The following MIGA2 variants were observed in gnomAD, a reference collection of about 807,000 sequenced individuals.
MIGA2 encodes family with sequence similarity 73, member B.
Under a neutral mutation model 69.9 loss-of-function variants are expected in MIGA2, and 36 were observed. The ratio of observed to expected loss-of-function variants is 0.52; its 90% CI spans 0.39 to 0.68. The LOEUF is 0.68. MIGA2 is among the 30% of genes least tolerant of loss of function. The pLI, the probability that MIGA2 is intolerant of heterozygous loss-of-function variation, is 0.00. For missense variants in MIGA2, 660 were observed against 787.7 expected, an observed-to-expected ratio of 0.84 and a Z score of 1.94; for synonymous variants, 333 against 349.2, an observed-to-expected ratio of 0.95 and a Z score of 0.52.
chr9:129,040,298 G>C (rs1844828677), intron 1 of MIGA2, among the ~76,000 whole-genome samples, 154 bp from the exon 2 acceptor site: 1 of 152,210 alleles, frequency 6.6e-6, no homozygotes, highest in South Asian at 2.1e-4. Flanking sequence ...CCTGCTGGCG[G>C]GCAGATGCAG....
intron 3 of MIGA2, among the ~76,000 whole-genome samples, chr9:129,043,273 CAT>C (rs550191501): frequency 1.4e-3 from 213 of 152,112 alleles, no homozygotes; most frequent in African/African-American, 4.7e-3. Flanking sequence ...GTCTTTGACA[CAT>C]AGAGTCATCC....
chr9:129,064,869 A>C (rs1588412283), intron 11 of MIGA2, among the ~76,000 whole-genome samples: 1 of 138,880 alleles, frequency 7.2e-6, no homozygotes. Flanking sequence ...CGCAACCTCC[A>C]CCTCCCGGGT....
intron 6 of MIGA2, among the ~76,000 whole-genome samples, chr9:129,052,374 C>T (rs1405652736): frequency 6.6e-6 from 1 of 152,062 alleles, no homozygotes; most frequent in African/African-American, 2.4e-5. Flanking sequence ...CCACCCGCCT[C>T]GGCCTCCCAA....
rs1311967427 is a variant in MIGA2 at position 129,061,329 on chromosome 9, G to A, written c.993G>A (p.Val331=). Residue 331 remains valine (V), a synonymous_variant, in exon 9 of 16, where the codon GTG becomes GTA. Transcript: ENST00000684074. This position sits in a 1 kb window ranked among gnomAD's most constrained non-coding sequence, Gnocchi z 5.0. ...TGCAGCTGGTGAAGGAGGGGAGAGTGCCTTGCCGGACCCTCAGGTGAGCAG... is the reference window on the plus strand; with the variant it reads ...TGCAGCTGGTGAAGGAGGGGAGAGTACCTTGCCGGACCCTCAGGTGAGCAG... The part of the protein sequence containing the change: ...EALQLVKEGR[V]PCRTLRTELL... The A allele has an allele frequency of 6.2e-7, 1 of 1,607,180 alleles. No homozygotes were observed. Among genetic ancestry groups the A allele is most frequent in the South Asian group, 1.1e-5 (1 of 90,614 alleles).
chr9:129,049,590 C>T (rs1380971759), intron 5 of MIGA2, 92 bp downstream of exon 5: 3 of 1,322,228 alleles, frequency 2.3e-6, no homozygotes, highest in African/African-American at 2.9e-5. Context: ...GTCACTTTGC[C>T]CCTCACTACC....
At chr9:129,040,409 C>G (rs117837310) in intron 1 of MIGA2, 43 bp from the exon 2 acceptor site, 15 of 1,323,080 alleles carry the variant, frequency 1.1e-5, no homozygotes, top group Non-Finnish European at 1.5e-5. Flanking sequence ...TGCATGTTCC[C>G]GTGTGCACGT....
In MIGA2 at chr9:129,052,984, C is replaced by A. The variant is rs147909209; in HGVS notation, c.675+3021C>A. ...TTTATTTCCCAAATTGTATTTCTTG[C>A]TAAAAACTATATCTGAAAATGATAG... On this transcript the variant is annotated intron_variant, in intron 6 of 15. Transcript: ENST00000684074. Among the ~76,000 whole-genome samples the A allele has an allele frequency of 1.4e-3, 219 of 152,280 alleles. 1 individual carries two copies. Among genetic ancestry groups the A allele is most frequent in the African/African-American group, 5.0e-3 (208 of 41,532 alleles).
intron 2 of MIGA2, 183 bp from the exon 3 acceptor site, chr9:129,042,121 C>T: frequency 1.6e-6 from 1 of 620,404 alleles, no homozygotes; most frequent in South Asian, 2.0e-5. Context: ...TTTTTGTGGC[C>T]TGTGTTTCAG....
chr9:129,043,998 C>CA (rs1845068072), intron 3 of MIGA2, among the ~76,000 whole-genome samples: 1 of 142,732 alleles, frequency 7.0e-6, no homozygotes, highest in African/African-American at 2.6e-5. Flanking sequence ...ACCTGCCCGG[C>CA]TTTTTTTTTT....
intron 11 of MIGA2, 42 bp from the exon 12 acceptor site, chr9:129,067,731 G>A (rs373848630): frequency 2.6e-6 from 4 of 1,563,230 alleles, no homozygotes; most frequent in African/African-American, 1.4e-5. Context: ...GTCCCTGTGG[G>A]TCTTGTCCAG....
intron 3 of MIGA2, among the ~76,000 whole-genome samples, chr9:129,047,748 G>A (rs966570007): frequency 2.0e-5 from 3 of 151,482 alleles, no homozygotes; most frequent in African/African-American, 7.3e-5. Context: ...ATATATATTT[G>A]AGACAGGGTC....
rs1435686357 is a variant in MIGA2 at position 129,070,303 on chromosome 9, G to A, written c.1632G>A (p.Thr544=). 6.2e-6 allele frequency: 10 copies of A among 1,613,058 alleles called. No homozygotes were observed. Among genetic ancestry groups the A allele is most frequent in the South Asian group, 4.4e-5 (4 of 91,092 alleles). The part of the protein sequence containing the change: ...DMFDLDNVRY[T]SLPALADDIL... ...TCGACCTGGACAATGTGCGCTACAC[G>A]TCACTGCCCGCGCTGGCAGACGACA... Residue 544 remains threonine, a synonymous_variant, in exon 16 of 16, where the codon ACG becomes ACA. Coordinates refer to ENST00000684074, the MANE Select transcript of MIGA2 (RefSeq NM_001329990.2).
At chr9:129,041,409 A>G (rs1293523945) in intron 2 of MIGA2, among the ~76,000 whole-genome samples, 1 of 151,458 alleles carries the variant, frequency 6.6e-6, no homozygotes, top group Non-Finnish European at 1.5e-5. Flanking sequence ...CGGGAGGATC[A>G]CTTGAACCCA....
rs1179547089 is a variant in MIGA2, at chr9:129,036,680, G to A, written c.-145G>A. The A allele has an allele frequency of 2.4e-5, 4 of 164,820 alleles. No homozygotes were observed. Among genetic ancestry groups the A allele is most frequent in the African/African-American group, 7.2e-5 (3 of 41,596 alleles). 10.2% of individuals were successfully genotyped at this position (164,820 alleles called of 1,614,324 possible). A position where few individuals can be genotyped will look rare whatever the true frequency, so the allele number is the denominator to read the frequency against. ...TGCCCTTCCGCAGCGATGGCATCCCGGGTGAGTATCGGCCCCGGCCGAGCC... is the reference window on the plus strand; with the variant it reads ...TGCCCTTCCGCAGCGATGGCATCCCAGGTGAGTATCGGCCCCGGCCGAGCC... On this transcript the variant is annotated splice_region_variant and 5_prime_UTR_variant, in exon 1 of 16. Transcript: ENST00000684074.
Position 129,068,484 on chromosome 9 carries a change from C to A in MIGA2, c.1404+152C>A. The A allele has an allele frequency of 9.5e-7, 1 of 1,049,054 alleles. No homozygotes were observed. Among genetic ancestry groups the A allele is most frequent in the African/African-American group, 1.6e-5 (1 of 62,762 alleles). 65.0% of individuals were successfully genotyped at this position (1,049,054 alleles called of 1,614,324 possible). On this transcript the variant is annotated intron_variant, in intron 13 of 15. Transcript: ENST00000684074. The surrounding 1 kb of genome is among the most constrained non-coding windows in gnomAD (Gnocchi z 4.1). ...CCAGGCCTGGGAGACCAGAGTCTGC[C>A]CTGGAGAAGCCTCCAGGGTGCCCCG...
Position 129,068,952 on chromosome 9 carries a change from C to T in MIGA2, c.1405-124C>T. The T allele has an allele frequency of 1.9e-6, 2 of 1,061,230 alleles. No homozygotes were observed. The highest frequency in any genetic ancestry group is 2.9e-6 in the Non-Finnish European group (2 of 687,596). The allele number at this position is 1,061,230 out of a possible 1,614,324, so 65.7% of individuals were successfully genotyped here. A position where few individuals can be genotyped will look rare whatever the true frequency, so the allele number is the denominator to read the frequency against. On this transcript the variant is annotated intron_variant, in intron 13 of 15. Coordinates refer to ENST00000684074, the MANE Select transcript of MIGA2 (RefSeq NM_001329990.2). This position sits in a 1 kb window ranked among gnomAD's most constrained non-coding sequence, Gnocchi z 4.1. ...GAAGCAGCAGAGCTTAGGCACCTGGCCCCATCTTCCTGCTTGGAGTGGGGT... is the reference window on the plus strand; with the variant it reads ...GAAGCAGCAGAGCTTAGGCACCTGGTCCCATCTTCCTGCTTGGAGTGGGGT...
intron 11 of MIGA2, among the ~76,000 whole-genome samples, chr9:129,065,135 T>A (rs897656461): frequency 6.8e-6 from 1 of 146,846 alleles, no homozygotes; most frequent in African/African-American, 2.5e-5. Flanking sequence ...TAGGAGAGAG[T>A]GTAAAAAATA....
intron 6 of MIGA2, among the ~76,000 whole-genome samples, chr9:129,056,012 G>A (rs1273528783): frequency 3.3e-5 from 5 of 151,656 alleles, no homozygotes; most frequent in South Asian, 2.1e-4. Flanking sequence ...TTTGCCGAGC[G>A]TGGTGGTGGG....
At chr9:129,048,726 G>A (rs1415607187) in intron 4 of MIGA2, among the ~76,000 whole-genome samples, 187 bp downstream of exon 4, 5 of 152,180 alleles carry the variant, frequency 3.3e-5, no homozygotes. Context: ...TGGGAGAAAG[G>A]TGGGCTGGTG....
Sources: gnomAD v4.1 joint callset for allele counts (sites outside exome capture counted in the v4.1 genomes callset) on GRCh38, gnomAD v4.1.1 for gene constraint, Gnocchi (gnomAD v3.1) non-coding constraint, MANE v1.5 for transcripts, NCBI Gene and HGNC (gene_info 2026-07-23, HGNC 2026-07-21) for gene names.